RUNX1: variants seen among roughly 807,000 people sequenced by gnomAD.
RUNX1 encodes RUNX family transcription factor 1.
RUNX1 carries 19 observed loss-of-function variants against 42.8 expected under a neutral mutation model. The observed-to-expected ratio is 0.44, with a 90% CI of 0.31 to 0.65. The LOEUF is 0.65. Among genes scored for constraint, RUNX1 ranks in the 30% least tolerant of loss-of-function variants. The pLI is 0.07. For synonymous variants in RUNX1, 271 were observed against 289.4 expected, an observed-to-expected ratio of 0.94 and a Z score of 0.64; for missense variants, 528 against 672.0, an observed-to-expected ratio of 0.79 and a Z score of 2.37.
Position 34,792,688 on chromosome 21 carries a change from G to A in RUNX1, c.968-78C>T, listed in dbSNP as rs190971532. The stretch of plus-strand genomic sequence containing the variant: ...CACAGCTCTTCCCTCTGCCCCAGGG[G>A]GCTACCCAGGATGATACCGCCTAGG... On this transcript the variant is annotated intron_variant, in intron 8 of 8. Transcript: ENST00000675419. This position sits in a 1 kb window ranked among gnomAD's most constrained non-coding sequence, Gnocchi z 6.9. 1.9e-3 allele frequency: 2,580 copies of A among 1,387,198 alleles called. 35 individuals carry two copies. The highest frequency in any genetic ancestry group is 5.6e-3 in the African/African-American group (391 of 70,106). The allele number at this position is 1,387,198 out of a possible 1,614,324, so 85.9% of individuals were successfully genotyped here.
chr21:34,928,953 A>ATT (rs565653105), intron 2 of RUNX1, among the ~76,000 whole-genome samples: 2 of 71,884 alleles, frequency 2.8e-5, no homozygotes, highest in East Asian at 1.6e-3. Flanking sequence ...ATTTCTACAG[A>ATT]TTTTTTTTGG....
chr21:34,978,063 GGGCAGCTGGGA>G (rs1349807033), intron 2 of RUNX1, among the ~76,000 whole-genome samples: 1 of 151,996 alleles, frequency 6.6e-6, no homozygotes, highest in African/African-American at 2.4e-5. Context: ...TCAGCCTCCA[GGGCAGCTGGGA>G]CTACAGTCAC....
intron 5 of RUNX1, among the ~76,000 whole-genome samples, chr21:34,879,898 G>A (rs944212549): frequency 6.6e-6 from 1 of 152,152 alleles, no homozygotes; most frequent in African/African-American, 2.4e-5. Context: ...CTGAAGTAAT[G>A]CAACAATTTC....
intron 2 of RUNX1, among the ~76,000 whole-genome samples, chr21:34,961,134 G>A (rs1395029077): frequency 6.6e-6 from 1 of 152,146 alleles, no homozygotes; most frequent in Admixed American, 6.5e-5. Flanking sequence ...CCAGCACTTT[G>A]GGAGGCTGAG....
intron 2 of RUNX1, among the ~76,000 whole-genome samples, chr21:34,990,586 C>T (rs908622215): frequency 2.6e-5 from 4 of 152,042 alleles, no homozygotes; most frequent in African/African-American, 7.3e-5. Context: ...ACCACAGAGA[C>T]GTGCACCCAT....
intron 2 of RUNX1, among the ~76,000 whole-genome samples, chr21:34,927,666 G>A (rs966367197): frequency 2.6e-5 from 4 of 152,168 alleles, no homozygotes; most frequent in Non-Finnish European, 5.9e-5. Context: ...TGCAAGCGCA[G>A]AGCACCATAC....
intron 6 of RUNX1, among the ~76,000 whole-genome samples, chr21:34,841,720 C>T (rs2057238313): frequency 6.6e-6 from 1 of 152,172 alleles, no homozygotes; most frequent in African/African-American, 2.4e-5. Flanking sequence ...CCTGAGATCC[C>T]TGTGGACCTG....
intron 6 of RUNX1, among the ~76,000 whole-genome samples, chr21:34,848,786 A>G (rs2057353306): frequency 6.6e-6 from 1 of 152,134 alleles, no homozygotes; most frequent in South Asian, 2.1e-4. Context: ...AGTGTCCGAG[A>G]GGCGCGTGGG....
intron 3 of RUNX1, chr21:34,888,256 G>C: frequency 2.8e-6 from 3 of 1,067,268 alleles, no homozygotes; most frequent in Non-Finnish European, 3.4e-6. Context: ...GCAGCAGGTG[G>C]AGCGGGCCTT....
chr21:34,803,989 G>C (rs551922710), intron 7 of RUNX1, among the ~76,000 whole-genome samples: 1 of 152,124 alleles, frequency 6.6e-6, no homozygotes, highest in Non-Finnish European at 1.5e-5. Context: ...GTTTTTATAA[G>C]AAAAAATGCT....
intron 2 of RUNX1, among the ~76,000 whole-genome samples, chr21:35,011,309 G>C (rs558777984): frequency 1.5e-3 from 235 of 152,268 alleles, no homozygotes; most frequent in African/African-American, 5.5e-3. Context: ...TGACACACAT[G>C]ACAATTGATC....
chr21:35,019,895 G>A (rs981433768), intron 2 of RUNX1, among the ~76,000 whole-genome samples: 2 of 152,086 alleles, frequency 1.3e-5, no homozygotes, highest in Non-Finnish European at 2.9e-5. Context: ...AGATTCTAGC[G>A]AAGGGCTGCT....
At chr21:34,821,212 G>C in intron 7 of RUNX1, 3 of 1,029,036 alleles carry the variant, frequency 2.9e-6, no homozygotes, top group Non-Finnish European at 3.5e-6. Flanking sequence ...GACTTGGAGA[G>C]GACCGATGGG....
At chr21:34,967,102 T>C (rs974389302) in intron 2 of RUNX1, among the ~76,000 whole-genome samples, 2 of 151,624 alleles carry the variant, frequency 1.3e-5, no homozygotes, top group East Asian at 3.9e-4. Flanking sequence ...GAGTGGATCA[T>C]GAAGTCAGGA....
At chr21:34,851,330 G>A (rs968625) in intron 6 of RUNX1, among the ~76,000 whole-genome samples, 48,229 of 152,198 alleles carry the variant, frequency 0.32, 10,342 homozygotes, top group African/African-American at 0.6. Context: ...GCCAGTTTAC[G>A]GGAACGAACT....
rs1372473921 is a variant in RUNX1 at position 34,834,565 on chromosome 21, C to G, written c.650G>C (p.Gly217Ala). ...GAGCCGCTCGGAAAAGGACAAGCTCCCGGGCTTGGTCTGATCATCTAGTTT... is the reference window on the plus strand; with the variant it reads ...GAGCCGCTCGGAAAAGGACAAGCTCGCGGGCTTGGTCTGATCATCTAGTTT... ...RQKLDDQTKP[G>A]SLSFSERLSE... Residue 217 changes from glycine (G) to alanine (A), a missense_variant, in exon 7 of 9, where the codon GGG becomes GCG. By Grantham distance (60) the Gly-to-Ala change is moderately conservative (BLOSUM62 0). Coordinates refer to ENST00000675419, the MANE Select transcript of RUNX1 (RefSeq NM_001754.5). 2 of 1,612,300 alleles carry G rather than the reference C, an allele frequency of 1.2e-6. No individual in the cohort carries two copies. Among genetic ancestry groups the G allele is most frequent in the Non-Finnish European group, 1.7e-6 (2 of 1,179,876 alleles).
intron 2 of RUNX1, among the ~76,000 whole-genome samples, 162 bp from the exon 3 acceptor site, chr21:34,893,125 TAAG>T (rs971539077): frequency 6.6e-6 from 1 of 152,044 alleles, no homozygotes. Context: ...AATCACCAAA[TAAG>T]AAATAAACTG....
intron 2 of RUNX1, among the ~76,000 whole-genome samples, chr21:35,047,549 A>T (rs540236675): frequency 0.013 from 1,374 of 106,118 alleles, 18 homozygotes; most frequent in Non-Finnish European, 0.016. Flanking sequence ...ACACACACAC[A>T]CACACACACA....
At chr21:34,860,530 C>CGTGTGTGT (rs34768937) in intron 5 of RUNX1, among the ~76,000 whole-genome samples, 19 of 149,538 alleles carry the variant, frequency 1.3e-4, no homozygotes, top group African/African-American at 4.7e-4. Flanking sequence ...TGTGTCTGTG[C>CGTGTGTGT]GTGTGTGTGT....
Sources: allele counts gnomAD v4.1 joint callset (sites outside exome capture counted in the v4.1 genomes callset), GRCh38; gene constraint gnomAD v4.1.1; non-coding constraint Gnocchi (gnomAD v3.1); transcripts MANE v1.5; gene names NCBI Gene and HGNC (gene_info 2026-07-23, HGNC 2026-07-21).